RNF150: variants seen among roughly 807,000 people sequenced by gnomAD.
The protein encoded by RNF150 is ring finger protein 150.
RNF150 carries 24 observed loss-of-function variants against 39.3 expected under a neutral mutation model. That is an observed-to-expected ratio of 0.61 (90% confidence interval 0.44 to 0.86). RNF150 has a LOEUF of 0.86. RNF150 is among the 40% of genes least tolerant of loss of function. The probability of loss-of-function intolerance (pLI) is 0.00; values close to 1 mark genes in which losing one functional copy is unlikely to be tolerated. For missense variants in RNF150, 502 were observed against 587.8 expected (o/e 0.85, Z 1.51); for synonymous variants, 255 against 227.3 (o/e 1.12, Z -1.10).
At chr4:140,941,885 C>T (rs561030497) in intron 4 of RNF150, among the ~76,000 whole-genome samples, 2 of 152,288 alleles carry the variant, frequency 1.3e-5, no homozygotes, top group African/African-American at 4.8e-5. Context: ...AGTTAGCCAA[C>T]TTTAATTTCA....
At position 141,002,236 on chromosome 4, in the gene RNF150, G is replaced by C. The variant is rs1195704285; in HGVS notation, c.485-34363C>G. 2.6e-5 allele frequency among the ~76,000 whole-genome samples: 4 copies of C among 151,006 alleles called. No individual in the cohort carries two copies. In the East Asian group the frequency reaches 7.7e-4, roughly 29 times the overall value. ...AATATTAGAAATGCTTTTTACCAGG[G>C]TTTTCCTAGATTTTTTTTTTTTACT... On this transcript the variant is annotated intron_variant, in intron 1 of 6. Transcript: ENST00000515673.
At chr4:140,915,648 C>A (rs991752486) in intron 5 of RNF150, among the ~76,000 whole-genome samples, 2 of 152,174 alleles carry the variant, frequency 1.3e-5, no homozygotes, top group African/African-American at 4.8e-5. Context: ...CTTTAAAAAT[C>A]TTCAGCAAAT....
chr4:141,187,538 T>C (rs1393241936), intron 1 of RNF150, among the ~76,000 whole-genome samples: 5 of 152,232 alleles, frequency 3.3e-5, no homozygotes, highest in Admixed American at 2.0e-4. Flanking sequence ...GGTGCTCGTG[T>C]ATTGGGTGCA....
intron 1 of RNF150, among the ~76,000 whole-genome samples, chr4:141,048,952 G>A (rs1322529909): frequency 6.6e-6 from 1 of 152,120 alleles, no homozygotes; most frequent in Non-Finnish European, 1.5e-5. Flanking sequence ...ACCAAGGTTG[G>A]CAGTGAGAGC....
chr4:140,897,761 T>C (rs1200380292), intron 6 of RNF150, among the ~76,000 whole-genome samples: 1 of 152,226 alleles, frequency 6.6e-6, no homozygotes, highest in South Asian at 2.1e-4. Context: ...TTTTTTTGAA[T>C]GCTTATTATG....
At chr4:141,144,205 A>G (rs1422240439) in intron 1 of RNF150, among the ~76,000 whole-genome samples, 1 of 152,230 alleles carries the variant, frequency 6.6e-6, no homozygotes, top group Non-Finnish European at 1.5e-5. Flanking sequence ...TGTATATCCA[A>G]TATGGATTGG....
intron 4 of RNF150, among the ~76,000 whole-genome samples, 164 bp downstream of exon 4, chr4:140,947,490 G>T (rs1578993947): frequency 6.6e-6 from 1 of 152,120 alleles, no homozygotes; most frequent in East Asian, 1.9e-4. Context: ...AAGGACAAAG[G>T]TTATACAAAA....
chr4:140,922,197 CA>C (rs1425361470), intron 5 of RNF150, among the ~76,000 whole-genome samples: 1 of 151,030 alleles, frequency 6.6e-6, no homozygotes, highest in Non-Finnish European at 1.5e-5. Context: ...TTGCAGATGA[CA>C]TGATTGTATA....
At position 140,925,979 on chromosome 4, in the gene RNF150, G is replaced by T. The variant is rs1340063498; in HGVS notation, c.985C>A (p.Pro329Thr). Residue 329 changes from proline to threonine, a missense_variant and splice_region_variant, in exon 5 of 7, where the codon CCG becomes ACG. By Grantham distance (38) the Pro-to-Thr change is conservative (BLOSUM62 -1). Transcript: ENST00000515673. ...GCTGTAGGCTGTGCTGTGCTTACCG[G>T]GATCCCTAGGGCTTTAAGAATGTTC... ...KMNILKALGIPPNADCMDDLP... is the reference protein window; with the variant it reads ...KMNILKALGITPNADCMDDLP... 25 of 1,607,472 alleles carry T rather than the reference G, an allele frequency of 1.6e-5. No individual in the cohort carries two copies. Among genetic ancestry groups the T allele is most frequent in the Non-Finnish European group, 2.0e-5 (23 of 1,173,976 alleles).
intron 1 of RNF150, among the ~76,000 whole-genome samples, chr4:140,980,068 A>G: frequency 6.6e-6 from 1 of 151,960 alleles, no homozygotes; most frequent in South Asian, 2.1e-4. Flanking sequence ...TTTTTGACGG[A>G]GTCTCGCTTT....
intron 1 of RNF150, among the ~76,000 whole-genome samples, chr4:141,059,720 T>C (rs923909146): frequency 6.6e-6 from 1 of 152,158 alleles, no homozygotes; most frequent in African/African-American, 2.4e-5. Flanking sequence ...AAGAATCTAT[T>C]TGAGGAATTT....
intron 1 of RNF150, among the ~76,000 whole-genome samples, chr4:141,174,887 G>GAAA (rs548297378): frequency 4.0e-5 from 5 of 126,580 alleles, no homozygotes; most frequent in Non-Finnish European, 4.9e-5. Context: ...CCTGTATCAG[G>GAAA]AAAAAAAAAA....
upstream of RNF150, among the ~76,000 whole-genome samples, chr4:141,136,155 C>A (rs1374859982): frequency 2.6e-5 from 4 of 151,878 alleles, no homozygotes; most frequent in African/African-American, 9.7e-5. Context: ...GGCTCCTAGA[C>A]CAGAAAGGAA....
At chr4:141,019,068 A>C (rs1450866801) in intron 1 of RNF150, among the ~76,000 whole-genome samples, 1 of 71,802 alleles carries the variant, frequency 1.4e-5, no homozygotes, top group Non-Finnish European at 3.6e-5. Flanking sequence ...ATATATATAT[A>C]TATATATATA....
At chr4:140,869,474 G>A (rs1197577248) in intron 6 of RNF150, among the ~76,000 whole-genome samples, 2 of 151,862 alleles carry the variant, frequency 1.3e-5, no homozygotes, top group Admixed American at 6.6e-5. Context: ...ATTATCTACC[G>A]TGTCCCTACT....
At chr4:141,018,299 C>G (rs1013273194) in intron 1 of RNF150, among the ~76,000 whole-genome samples, 5 of 152,222 alleles carry the variant, frequency 3.3e-5, no homozygotes, top group Admixed American at 2.0e-4. Context: ...TGCATGAACC[C>G]TCACCACACT....
chr4:140,867,625 T>A lies in RNF150; in HGVS notation c.*636A>T, dbSNP rs1187221774. The A allele has an allele frequency of 1.3e-5, 2 of 151,910 alleles. No homozygotes were observed. Among genetic ancestry groups the A allele is most frequent in the Non-Finnish European group, 2.9e-5 (2 of 68,036 alleles). The allele number at this position is 151,910 out of a possible 1,614,324, so 9.4% of individuals were successfully genotyped here. A position where few individuals can be genotyped will look rare whatever the true frequency, so the allele number is the denominator to read the frequency against. On this transcript the variant is annotated 3_prime_UTR_variant, in exon 7 of 7. Transcript: ENST00000515673. The stretch of plus-strand genomic sequence containing the variant: ...GTGTTGGGGTCTCTGGCAGCTGGGG[T>A]TTTTAAAGGCCCACTTAGAAGAACT...
chr4:141,186,161 T>C (rs1031114872), intron 1 of RNF150, among the ~76,000 whole-genome samples: 1 of 152,232 alleles, frequency 6.6e-6, no homozygotes, highest in Non-Finnish European at 1.5e-5. Flanking sequence ...CATCTGGTCC[T>C]GGGCTTTTTT....
At chr4:140,922,734 A>G (rs549010129) in intron 5 of RNF150, among the ~76,000 whole-genome samples, 26 of 152,262 alleles carry the variant, frequency 1.7e-4, no homozygotes, top group Non-Finnish European at 2.8e-4. Context: ...ACAAGGCTAC[A>G]GTAATCAAAA....
Sources: gnomAD v4.1 joint callset for allele counts (sites outside exome capture counted in the v4.1 genomes callset) on GRCh38, gnomAD v4.1.1 for gene constraint, MANE v1.5 for transcripts, NCBI Gene and HGNC (gene_info 2026-07-23, HGNC 2026-07-21) for gene names.